Variants in PDZD9 observed in about 807,000 individuals in gnomAD.
PDZD9 encodes PDZ domain-containing protein 9.
In PDZD9, 13 loss-of-function variants were observed where a neutral mutation model predicts 16.3. The ratio of observed to expected loss-of-function variants is 0.80; its 90% CI spans 0.52 to 1.27. The LOEUF is 1.27. PDZD9 is among the 50% of genes most tolerant of loss of function. The pLI is 0.00. For missense variants in PDZD9, 288 were observed against 310.9 expected (o/e 0.93, Z 0.55); for synonymous variants, 120 against 111.0 (o/e 1.08, Z -0.51).
chr16:21,959,334 G>A, the PDZD9 span: 7 of 239,954 alleles, frequency 2.9e-5, no homozygotes, highest in East Asian at 1.4e-4. Context: ...TTATCATTTC[G>A]ACAGTGTTCA....
At chr16:21,984,728 A>T in intron 3 of PDZD9, 68 bp from the exon 4 acceptor site, 1 of 1,281,316 alleles carries the variant, frequency 7.8e-7, no homozygotes, top group South Asian at 2.3e-5. Flanking sequence ...CCCTAACAAG[A>T]TGCCTTATAA....
intron 2 of PDZD9, among the ~76,000 whole-genome samples, chr16:21,993,315 AC>A (rs1899068923): frequency 6.6e-6 from 1 of 152,044 alleles, no homozygotes; most frequent in Admixed American, 6.5e-5. Flanking sequence ...TGGAGTATGC[AC>A]CCGGATCATC....
chr16:21,994,589 C>G (rs1899100176), intron 2 of PDZD9, among the ~76,000 whole-genome samples: 1 of 152,218 alleles, frequency 6.6e-6, no homozygotes, highest in African/African-American at 2.4e-5. Flanking sequence ...GGGAGAGTTA[C>G]TAAACATCTG....
chr16:21,957,702 T>A, the PDZD9 span: 3 of 1,281,408 alleles, frequency 2.3e-6, no homozygotes, highest in Non-Finnish European at 3.2e-6. Context: ...CTGGGTAGCT[T>A]AAACCAAATA....
chr16:21,966,470 C>T, the PDZD9 span, among the ~76,000 whole-genome samples: 2 of 152,096 alleles, frequency 1.3e-5, no homozygotes, highest in African/African-American at 2.4e-5. Flanking sequence ...GACCCAAAAA[C>T]AAATTTTATC....
At chr16:21,972,743 C>G in the PDZD9 span, among the ~76,000 whole-genome samples, 2 of 152,070 alleles carry the variant, frequency 1.3e-5, no homozygotes, top group African/African-American at 4.8e-5. Flanking sequence ...ATAGAAATTC[C>G]TAGTTCAGAA....
chr16:21,987,973 C>T (rs1413538033), intron 3 of PDZD9, among the ~76,000 whole-genome samples: 1 of 145,548 alleles, frequency 6.9e-6, no homozygotes, highest in Non-Finnish European at 1.5e-5. Flanking sequence ...AAGTTGAATA[C>T]GGAAAAGAAA....
At chr16:21,973,849 G>C in the PDZD9 span, 1 of 1,571,994 alleles carries the variant, frequency 6.4e-7, no homozygotes, top group Non-Finnish European at 8.7e-7. Context: ...ATCGTGCCCT[G>C]TTTTACTTGG....
chr16:21,964,936 A>G, the PDZD9 span, among the ~76,000 whole-genome samples: 4 of 152,228 alleles, frequency 2.6e-5, no homozygotes, highest in South Asian at 2.1e-4. Flanking sequence ...ACCAAGCACC[A>G]CAGAGGAGTA....
chr16:21,965,620 C>T, the PDZD9 span: 14 of 854,142 alleles, frequency 1.6e-5, no homozygotes, highest in African/African-American at 3.6e-5. Flanking sequence ...AGAAATTCAG[C>T]GTGCTAGCTT....
At chr16:21,986,907 A>G (rs2141954875) in intron 3 of PDZD9, among the ~76,000 whole-genome samples, 1 of 152,302 alleles carries the variant, frequency 6.6e-6, no homozygotes, top group East Asian at 1.9e-4. Flanking sequence ...AGCAAGTGCA[A>G]AGACCCTGAG....
At chr16:21,997,550 A>T (rs1899181155) in intron 1 of PDZD9, among the ~76,000 whole-genome samples, 1 of 152,204 alleles carries the variant, frequency 6.6e-6, no homozygotes, top group South Asian at 2.1e-4. Flanking sequence ...CATGAAAATG[A>T]CAGGGTCCTG....
chr16:21,965,366 T>A, the PDZD9 span: 2 of 1,586,790 alleles, frequency 1.3e-6, no homozygotes, highest in South Asian at 1.1e-5. Context: ...TTGTCTTTAC[T>A]GAAAGTGCAT....
chr16:21,982,533 C>T (rs529648900), downstream of PDZD9, among the ~76,000 whole-genome samples: 2 of 152,310 alleles, frequency 1.3e-5, no homozygotes, highest in South Asian at 2.1e-4. Flanking sequence ...CAGTGTTGCT[C>T]TTGCTTGGTT....
chr16:21,961,664 A>ATATATATATG, the PDZD9 span, among the ~76,000 whole-genome samples: 68 of 103,972 alleles, frequency 6.5e-4, no homozygotes, highest in Non-Finnish European at 9.6e-4. Context: ...ATATATATAT[A>ATATATATATG]TATATTTTAG....
At chr16:21,957,546 C>T in the PDZD9 span, 1 of 1,614,162 alleles carries the variant, frequency 6.2e-7, no homozygotes, top group Admixed American at 1.7e-5. Flanking sequence ...CACCCATTTG[C>T]TGCGTCTTAC....
intron 3 of PDZD9, among the ~76,000 whole-genome samples, chr16:21,987,863 A>C (rs1185887404): frequency 6.6e-6 from 1 of 152,130 alleles, no homozygotes; most frequent in African/African-American, 2.4e-5. Flanking sequence ...CCAGTGGCTA[A>C]AGAGGGTAGG....
chr16:21,981,478 G>A (rs1257903765), downstream of PDZD9, among the ~76,000 whole-genome samples: 1 of 152,170 alleles, frequency 6.6e-6, no homozygotes, highest in Non-Finnish European at 1.5e-5. Context: ...ACTAAGCTGG[G>A]TGCAGTGGCT....
At chr16:21,971,668 C>T in the PDZD9 span, 2 of 1,573,588 alleles carry the variant, frequency 1.3e-6, no homozygotes, top group Non-Finnish European at 1.7e-6. Flanking sequence ...GGGCGTTTCC[C>T]CACTAGAATA....
Sources: gnomAD v4.1 joint callset for allele counts (sites outside exome capture counted in the v4.1 genomes callset) on GRCh38, gnomAD v4.1.1 for gene constraint, MANE v1.5 for transcripts, NCBI Gene and HGNC (gene_info 2026-07-23, HGNC 2026-07-21) for gene names.